Variants in CSMD2 observed in about 807,000 individuals in gnomAD.
CSMD2 encodes the protein CUB and Sushi multiple domains 2, also known as CUB and sushi domain-containing protein 2.
CSMD2 carries 130 observed loss-of-function variants against 398.5 expected under a neutral mutation model. The observed-to-expected ratio is 0.33, with a 90% CI of 0.28 to 0.38. CSMD2 has a LOEUF of 0.38. Among genes scored for constraint, CSMD2 ranks in the 10% least tolerant of loss-of-function variants. The pLI is 1.00. For synonymous variants in CSMD2, 1,828 were observed against 1,908.5 expected, an observed-to-expected ratio of 0.96 and a Z score of 1.10; for missense variants, 3,829 against 4,764.9, an observed-to-expected ratio of 0.80 and a Z score of 5.78.
chr1:34,120,499 T>C (rs1448180238), intron 1 of CSMD2, among the ~76,000 whole-genome samples: 5 of 152,216 alleles, frequency 3.3e-5, no homozygotes, highest in Non-Finnish European at 5.9e-5. Flanking sequence ...GTAAGATTTA[T>C]ACAGAGCAAT....
At chr1:34,152,636 G>A (rs971236728) in intron 1 of CSMD2, among the ~76,000 whole-genome samples, 11 of 152,120 alleles carry the variant, frequency 7.2e-5, no homozygotes, top group African/African-American at 1.7e-4. Context: ...TGCAGGTCTC[G>A]GCTTGAACAT....
chr1:33,892,069 A>AT (rs1642058775), intron 5 of CSMD2, among the ~76,000 whole-genome samples: 3 of 139,118 alleles, frequency 2.2e-5, no homozygotes, highest in East Asian at 2.3e-4. Context: ...AATAATAATA[A>AT]AAAGAAAACC....
At chr1:33,965,790 G>A (rs920799513) in intron 3 of CSMD2, among the ~76,000 whole-genome samples, 33 of 152,288 alleles carry the variant, frequency 2.2e-4, no homozygotes, top group African/African-American at 5.5e-4. Flanking sequence ...TAGGTTCCTC[G>A]GTGACCTGTG....
intron 12 of CSMD2, among the ~76,000 whole-genome samples, chr1:33,783,570 T>C (rs555615173): frequency 6.6e-6 from 1 of 151,970 alleles, no homozygotes; most frequent in East Asian, 1.9e-4. Flanking sequence ...AGAAACCAAA[T>C]TGGCCAAATC....
intron 3 of CSMD2, among the ~76,000 whole-genome samples, chr1:33,989,830 C>A (rs191541737): frequency 2.6e-5 from 4 of 152,042 alleles, no homozygotes; most frequent in Non-Finnish European, 5.9e-5. Context: ...CAGTTACCTG[C>A]GGTCAGGGAT....
At chr1:33,641,802 G>A (rs1306709542) in intron 29 of CSMD2, among the ~76,000 whole-genome samples, 1 of 152,216 alleles carries the variant, frequency 6.6e-6, no homozygotes, top group African/African-American at 2.4e-5. Flanking sequence ...TCACGAGGAT[G>A]TGAACTCCAT....
chr1:34,047,492 C>T (rs1652665419), intron 2 of CSMD2, among the ~76,000 whole-genome samples: 1 of 152,182 alleles, frequency 6.6e-6, no homozygotes, highest in Non-Finnish European at 1.5e-5. Flanking sequence ...CATAATCTGA[C>T]TTCCTATATA....
chr1:33,881,479 G>A (rs968744860), intron 5 of CSMD2, among the ~76,000 whole-genome samples: 1 of 152,108 alleles, frequency 6.6e-6, no homozygotes. Context: ...ATGAAGGCAT[G>A]GCAGCATGGC....
At chr1:33,676,302 C>T (rs1352096065) in intron 25 of CSMD2, among the ~76,000 whole-genome samples, 1 of 152,046 alleles carries the variant, frequency 6.6e-6, no homozygotes, top group Non-Finnish European at 1.5e-5. Flanking sequence ...ACAAGCATTC[C>T]TATACACCAA....
At chr1:33,575,793 G>C (rs1331431951) in intron 49 of CSMD2, among the ~76,000 whole-genome samples, 2 of 152,200 alleles carry the variant, frequency 1.3e-5, no homozygotes, top group African/African-American at 4.8e-5. Flanking sequence ...TTGCTTAGGG[G>C]TAGAGTAGAT....
At chr1:33,800,704 G>A (rs937931204) in intron 10 of CSMD2, among the ~76,000 whole-genome samples, 23 of 152,160 alleles carry the variant, frequency 1.5e-4, no homozygotes, top group African/African-American at 5.6e-4. Context: ...GCTAGCAAGC[G>A]GGCAGGGTTT....
chr1:33,710,219 T>C (rs903466684), intron 21 of CSMD2, among the ~76,000 whole-genome samples: 12 of 152,122 alleles, frequency 7.9e-5, no homozygotes, highest in Admixed American at 2.0e-4. Flanking sequence ...TCTTTAATAA[T>C]TGGGGGGCCC....
chr1:33,537,496 A>G lies in CSMD2; in HGVS notation c.9745T>C (p.Ser3249Pro). 7 of 1,614,150 alleles carry G rather than the reference A, an allele frequency of 4.3e-6. No individual in the cohort carries two copies. Among genetic ancestry groups the G allele is most frequent in the Non-Finnish European group, 5.9e-6 (7 of 1,180,028 alleles). ...TCTGACTGGCAAAACCTGCGTGGAG[A>G]GCCCACCAGCACCAGAGGGGGATGG... is the stretch of plus-strand genomic sequence containing the variant. ...SCHPPLVLVGSPRRFCQSDGT... is the reference protein window; with the variant it reads ...SCHPPLVLVGPPRRFCQSDGT... Residue 3249 changes from serine to proline, a missense_variant, in exon 61 of 71, where the codon TCT (serine) becomes CCT (proline). Physicochemically the swap from Ser to Pro is moderately conservative, Grantham distance 74. Coordinates refer to ENST00000373381, the MANE Select transcript of CSMD2 (RefSeq NM_001281956.2). The surrounding 1 kb of genome is among the most constrained non-coding windows in gnomAD (Gnocchi z 4.6).
At chr1:33,712,886 A>G (rs1646040077) in intron 21 of CSMD2, among the ~76,000 whole-genome samples, 1 of 152,176 alleles carries the variant, frequency 6.6e-6, no homozygotes, top group African/African-American at 2.4e-5. Context: ...GAGACGGAGT[A>G]AACCCTGGGG....
Position 33,581,047 on chromosome 1 carries a change from A to T in CSMD2, c.7241-148T>A, listed in dbSNP as rs569159100. ...CACTCCTCTCTCTGCATCCACAGGC[A>T]TTGCTCAAGGTGCTCTTTTCTCCTA... On this transcript the variant is annotated intron_variant, in intron 47 of 70. Coordinates refer to ENST00000373381, the MANE Select transcript of CSMD2 (RefSeq NM_001281956.2). 19 of 721,506 alleles carry T rather than the reference A, an allele frequency of 2.6e-5. No individual in the cohort carries two copies. In the South Asian group the frequency reaches 3.7e-4, roughly 14 times the overall value. 44.7% of individuals were successfully genotyped at this position (721,506 alleles called of 1,614,324 possible).
Position 33,572,617 on chromosome 1 carries a change from C to T in CSMD2, c.7651G>A (p.Ala2551Thr). Residue 2551 changes from alanine (A) to threonine (T), a missense_variant, in exon 50 of 71, where the codon GCC (alanine) becomes ACC (threonine). Transcript: ENST00000373381. ...TAGCCTTCACTGCAGCTGTACATGG[C>T]CTTGGTTCCCACTGTGTACTCCTTG... The part of the protein sequence containing the change: ...FGKEYTVGTK[A>T]MYSCSEGYHL... The T allele has an allele frequency of 3.1e-6, 5 of 1,614,060 alleles. No individual in the cohort carries two copies. The African/African-American group carries it at 4.0e-5, about 13-fold the overall frequency.
intron 4 of CSMD2, among the ~76,000 whole-genome samples, chr1:33,924,633 C>T (rs1304771882): frequency 1.3e-5 from 2 of 152,116 alleles, no homozygotes; most frequent in South Asian, 2.1e-4. Context: ...TCTATAATGG[C>T]TGTACTAATT....
chr1:34,091,690 G>T (rs903613108), intron 1 of CSMD2, among the ~76,000 whole-genome samples: 8 of 152,022 alleles, frequency 5.3e-5, no homozygotes, highest in Middle Eastern at 3.2e-3. Context: ...ATCCTAAACA[G>T]GCATTTCATA....
intron 48 of CSMD2, among the ~76,000 whole-genome samples, chr1:33,578,054 T>C (rs1038966089): frequency 6.6e-6 from 1 of 152,128 alleles, no homozygotes; most frequent in African/African-American, 2.4e-5. Context: ...CAGCACAGCA[T>C]GGGGCACTCA....
Sources: gnomAD v4.1 joint callset for allele counts (sites outside exome capture counted in the v4.1 genomes callset) on GRCh38, gnomAD v4.1.1 for gene constraint, Gnocchi (gnomAD v3.1) non-coding constraint, MANE v1.5 for transcripts, NCBI Gene and HGNC (gene_info 2026-07-23, HGNC 2026-07-21) for gene names.